Variants in C5 observed in about 807,000 individuals in gnomAD.
The protein encoded by C5 is C3 and PZP-like alpha-2-macroglobulin domain-containing protein 4.
C5 carries 140 observed loss-of-function variants against 218.8 expected under a neutral mutation model. The ratio of observed to expected loss-of-function variants is 0.64; its 90% CI spans 0.56 to 0.74. The LOEUF (loss-of-function observed/expected upper bound fraction) is 0.74, where lower values mean the gene tolerates loss of function less well. C5 is among the 30% of genes least tolerant of loss of function. The pLI is 0.00. For missense variants in C5, 1,700 were observed against 1,969.6 expected, an observed-to-expected ratio of 0.86 and a Z score of 2.59; for synonymous variants, 614 against 682.3, an observed-to-expected ratio of 0.90 and a Z score of 1.56.
At chr9:121,005,139 A>C (rs2047206279) in intron 20 of C5, among the ~76,000 whole-genome samples, 1 of 152,214 alleles carries the variant, frequency 6.6e-6, no homozygotes, top group Non-Finnish European at 1.5e-5. Flanking sequence ...ATTCTCATGC[A>C]AAGTTTTGTG....
intron 20 of C5, among the ~76,000 whole-genome samples, chr9:121,003,711 C>G (rs1334228728): frequency 6.6e-6 from 1 of 151,994 alleles, no homozygotes; most frequent in Non-Finnish European, 1.5e-5. Context: ...ATTTTATCAA[C>G]CTTCCTGATA....
chr9:120,987,846 G>A (rs1277061245), intron 25 of C5, among the ~76,000 whole-genome samples: 2 of 151,918 alleles, frequency 1.3e-5, no homozygotes, highest in African/African-American at 4.8e-5. Flanking sequence ...GGGCTGGAGT[G>A]CAGTAGCGCG....
At chr9:120,960,168 A>T in intron 38 of C5, 80 bp downstream of exon 38, 1 of 879,116 alleles carries the variant, frequency 1.1e-6, no homozygotes, top group Non-Finnish European at 1.9e-6. Flanking sequence ...ATCACTATAT[A>T]AAGTTTTTGA....
intron 20 of C5, among the ~76,000 whole-genome samples, chr9:121,001,416 A>G (rs2047160390): frequency 6.6e-6 from 1 of 152,212 alleles, no homozygotes; most frequent in East Asian, 1.9e-4. Flanking sequence ...GAGGTTCAAC[A>G]TTGCTAGTAA....
At chr9:120,969,849 C>G (rs1280962190) in intron 32 of C5, among the ~76,000 whole-genome samples, 1 of 152,148 alleles carries the variant, frequency 6.6e-6, no homozygotes, top group Non-Finnish European at 1.5e-5. Flanking sequence ...AACAGAAATT[C>G]CTGGTTCTGG....
chr9:120,980,395 C>T, intron 27 of C5, 141 bp from the exon 28 acceptor site: 1 of 727,892 alleles, frequency 1.4e-6, no homozygotes, highest in South Asian at 1.5e-5. Context: ...TGGATGGCTT[C>T]TCAGTGAAGC....
At chr9:121,013,318 G>GGAAAAAAAA (rs775252391) in intron 17 of C5, among the ~76,000 whole-genome samples, 1 of 99,254 alleles carries the variant, frequency 1.0e-5, no homozygotes. Flanking sequence ...GATTCCTACT[G>GGAAAAAAAA]AAAAAAAAAA....
intron 10 of C5, among the ~76,000 whole-genome samples, chr9:121,022,664 C>G (rs978942439): frequency 6.7e-6 from 1 of 149,404 alleles, no homozygotes; most frequent in Non-Finnish European, 1.5e-5. Flanking sequence ...CTCTGGATTT[C>G]TAAATTAAGG....
chr9:120,964,108 T>C lies in C5; in HGVS notation c.4221-370A>G, dbSNP rs944350989. On this transcript the variant is annotated intron_variant, in intron 33 of 40. Transcript: ENST00000223642. ...ATTCTCACGTTAGTTCATTTTCTAA[T>C]GAAGCATATTCCAAGGAAAAAATCA... Among the ~76,000 whole-genome samples, 7 of 152,192 alleles carry C rather than the reference T, an allele frequency of 4.6e-5. 1 individual carries two copies. Among genetic ancestry groups the C allele is most frequent in the Admixed American group, 2.6e-4 (4 of 15,280 alleles).
upstream of C5, among the ~76,000 whole-genome samples, chr9:121,054,922 G>C (rs1055695396): frequency 8.6e-5 from 13 of 151,882 alleles, no homozygotes; most frequent in African/African-American, 3.1e-4. Context: ...TCTCTCGGAG[G>C]GCTGCTACCT....
Position 120,990,184 on chromosome 9 carries a change from G to A in C5, c.2942-404C>T, listed in dbSNP as rs1048917963. On this transcript the variant is annotated intron_variant, in intron 23 of 40. Transcript: ENST00000223642. ...TAATTCACTGTGCAACCTTGGACAT[G>A]CCACTTTCTTTTATATCCAACAGCA... 2.0e-5 allele frequency among the ~76,000 whole-genome samples: 3 copies of A among 152,162 alleles called. No individual in the cohort carries two copies. In the East Asian group the frequency reaches 5.8e-4, roughly 29 times the overall value.
intron 22 of C5, among the ~76,000 whole-genome samples, chr9:120,992,504 T>C (rs559416582): frequency 3.3e-4 from 50 of 152,372 alleles, no homozygotes; most frequent in African/African-American, 1.1e-3. Flanking sequence ...TCATGCTCAA[T>C]ATATGATACT....
chr9:120,959,232 A>ATTCC (rs1302820652), intron 38 of C5, among the ~76,000 whole-genome samples: 6 of 144,734 alleles, frequency 4.1e-5, no homozygotes, highest in Non-Finnish European at 9.1e-5. Flanking sequence ...CACCCTTCAA[A>ATTCC]TTTCTTTCTT....
intron 36 of C5, among the ~76,000 whole-genome samples, chr9:120,962,070 G>A (rs1273063212): frequency 6.6e-6 from 1 of 152,146 alleles, no homozygotes; most frequent in Admixed American, 6.5e-5. Context: ...CATCTGTCTT[G>A]TGATCCAATA....
the C5 span, among the ~76,000 whole-genome samples, chr9:121,064,791 C>A: frequency 4.6e-5 from 7 of 152,278 alleles, no homozygotes; most frequent in South Asian, 1.4e-3. Context: ...CTGGGCACAG[C>A]AGCTCATGCC....
At chr9:121,001,436 T>C (rs1388823122) in intron 20 of C5, among the ~76,000 whole-genome samples, 1 of 152,180 alleles carries the variant, frequency 6.6e-6, no homozygotes, top group Admixed American at 6.5e-5. Context: ...ATCAGGGTAG[T>C]GAAATAGAAA....
intron 4 of C5, among the ~76,000 whole-genome samples, chr9:121,036,839 C>T (rs189845549): frequency 6.6e-6 from 1 of 151,714 alleles, no homozygotes; most frequent in East Asian, 1.9e-4. Flanking sequence ...AGTATCTATG[C>T]TTTTGCACCT....
At chr9:121,050,924 T>C (rs1221622835), upstream of C5, among the ~76,000 whole-genome samples, 1 of 152,162 alleles carries the variant, frequency 6.6e-6, no homozygotes, top group Non-Finnish European at 1.5e-5. Context: ...TATTCTCCAA[T>C]ATTTATTAAG....
At position 120,953,790 on chromosome 9, in the gene C5, C is replaced by G. The variant is rs1482919759; in HGVS notation, c.4841G>C (p.Gly1614Ala). The change falls in exon 40 of 41, where the codon GGA becomes GCA. Residue 1614 changes from glycine (G) to alanine (A), a missense_variant. Gly to Ala is a moderately conservative substitution (Grantham distance 60). Transcript: ENST00000223642. ...TTTACCCATAATTAAGTACTGTCTT[C>G]CTTTTACCAGCTCAGCGTTAGTACA... ...VTCTNAELVKGRQYLIMGKEA... is the reference protein window; with the variant it reads ...VTCTNAELVKARQYLIMGKEA... 1 of 1,613,954 alleles carries G rather than the reference C, an allele frequency of 6.2e-7. No individual in the cohort carries two copies. Among genetic ancestry groups the G allele is most frequent in the Non-Finnish European group, 8.5e-7 (1 of 1,179,822 alleles).
Sources: allele counts gnomAD v4.1 joint callset (sites outside exome capture counted in the v4.1 genomes callset), GRCh38; gene constraint gnomAD v4.1.1; transcripts MANE v1.5; gene names NCBI Gene and HGNC (gene_info 2026-07-23, HGNC 2026-07-21).